MGAM: variants seen among roughly 807,000 people sequenced by gnomAD.
MGAM encodes alpha-1,4-glucosidase.
A neutral mutation model predicts 358.8 loss-of-function variants in MGAM; 253 were observed. The ratio of observed to expected loss-of-function variants is 0.71; its 90% CI spans 0.64 to 0.78. The LOEUF is 0.78. Ranked by LOEUF, MGAM falls within the 30% of genes least tolerant of loss-of-function variation. The pLI is 0.00. For synonymous variants in MGAM, 1,105 were observed against 1,227.1 expected (o/e 0.90, Z 2.08); for missense variants, 3,080 against 3,432.6 (o/e 0.90, Z 2.57).
Position 142,090,281 on chromosome 7 carries a change from C to T in MGAM, c.6811-1632C>T, listed in dbSNP as rs191830954. Among the ~76,000 whole-genome samples the T allele has an allele frequency of 2.2e-4, 32 of 145,990 alleles. 1 individual carries two copies. In the East Asian group the frequency reaches 5.7e-3, roughly 26 times the overall value. The stretch of plus-strand genomic sequence containing the variant: ...TTCCTACATCATGGCTGGCCAAGTT[C>T]ACCACGTGTACCCCATATGGGATAC... On this transcript the variant is annotated intron_variant, in intron 57 of 70. Coordinates refer to ENST00000475668, the MANE Select transcript of MGAM (RefSeq NM_001365693.1).
chr7:141,997,983 G>T (rs542777963), intron 1 of MGAM, among the ~76,000 whole-genome samples: 2 of 152,210 alleles, frequency 1.3e-5, no homozygotes, highest in South Asian at 4.1e-4. Context: ...TGTTAGCAAA[G>T]GATTTTAAAA....
At chr7:142,065,499 G>A (rs779326119) in intron 38 of MGAM, 31 bp downstream of exon 38, 19 of 1,613,664 alleles carry the variant, frequency 1.2e-5, no homozygotes, top group Middle Eastern at 1.6e-4. Context: ...GGCCTTTGCC[G>A]ACAGGGCAGG....
In MGAM at chr7:142,047,406, A is replaced by G. The variant is rs28628756; in HGVS notation, c.2499-379A>G. On this transcript the variant is annotated intron_variant, in intron 21 of 70. Coordinates refer to ENST00000475668, the MANE Select transcript of MGAM (RefSeq NM_001365693.1). ...ATGTGTCTTCCTCACAGCACTGGAC[A>G]CTTCTACTGAGGGCATCATTGCTAA... is the stretch of plus-strand genomic sequence containing the variant. Among the ~76,000 whole-genome samples the G allele has an allele frequency of 2.9e-3, 434 of 152,250 alleles. 3 individuals carry two copies. Among genetic ancestry groups the G allele is most frequent in the African/African-American group, 0.01 (418 of 41,548 alleles).
chr7:142,065,977 T>TC (rs1812715780), intron 40 of MGAM, 146 bp downstream of exon 40: 1 of 790,942 alleles, frequency 1.3e-6, no homozygotes, highest in Non-Finnish European at 1.9e-6. Context: ...TGTTTTTTTT[T>TC]TTGAAACAGG....
chr7:142,083,485 G>A, intron 53 of MGAM, 72 bp downstream of exon 53: 1 of 1,079,260 alleles, frequency 9.3e-7, no homozygotes, highest in Non-Finnish European at 1.3e-6. Flanking sequence ...ACATTCATTA[G>A]TATAACTCTC....
At chr7:142,049,192 C>T (rs1465904149) in intron 22 of MGAM, among the ~76,000 whole-genome samples, 1 of 152,092 alleles carries the variant, frequency 6.6e-6, no homozygotes, top group Non-Finnish European at 1.5e-5. Flanking sequence ...GCAGAATTTT[C>T]TTCTTTTTAT....
At chr7:141,994,891 T>A (rs1554448143), upstream of MGAM, among the ~76,000 whole-genome samples, 1 of 152,228 alleles carries the variant, frequency 6.6e-6, no homozygotes, top group African/African-American at 2.4e-5. Flanking sequence ...CGAAACCTCT[T>A]TTCTTTATAA....
intron 21 of MGAM, among the ~76,000 whole-genome samples, chr7:142,046,226 A>G (rs188851798): frequency 1.8e-3 from 274 of 150,078 alleles, no homozygotes; most frequent in African/African-American, 6.3e-3. Flanking sequence ...TACTGTTAGT[A>G]TTTCAAGAAC....
At position 142,071,040 on chromosome 7, in the gene MGAM, C is replaced by T. The variant is rs750034561; in HGVS notation, c.5108C>T (p.Pro1703Leu). The change falls in exon 44 of 71, where the codon CCT becomes CTT. Residue 1703 changes from proline to leucine, a missense_variant. By Grantham distance (98) the Pro-to-Leu change is moderately conservative. Coordinates refer to ENST00000475668, the MANE Select transcript of MGAM (RefSeq NM_001365693.1). ...ARGEWKTLPAPLDHINLHVRG... is the reference protein window; with the variant it reads ...ARGEWKTLPALLDHINLHVRG... The stretch of plus-strand genomic sequence containing the variant: ...GGAGAGTGGAAGACCTTGCCAGCCC[C>T]TCTTGACCACATTAATCTTCATGTC... The T allele has an allele frequency of 4.5e-6, 7 of 1,556,312 alleles. No individual in the cohort carries two copies. The African/African-American group carries it at 8.1e-5, about 18-fold the overall frequency.
At chr7:142,052,542 T>C in intron 25 of MGAM, 96 bp downstream of exon 25, 1 of 1,497,624 alleles carries the variant, frequency 6.7e-7, no homozygotes, top group Non-Finnish European at 9.0e-7. Flanking sequence ...CTACTTAAAA[T>C]CCATAGAAAG....
At chr7:142,055,224 G>A (rs538922612) in intron 27 of MGAM, among the ~76,000 whole-genome samples, 1 of 152,252 alleles carries the variant, frequency 6.6e-6, no homozygotes, top group South Asian at 2.1e-4. Context: ...ATCACTTTGA[G>A]TGCTATGTAG....
chr7:142,089,887 G>T (rs772704698), intron 57 of MGAM, among the ~76,000 whole-genome samples: 1 of 146,350 alleles, frequency 6.8e-6, no homozygotes, highest in African/African-American at 2.4e-5. Flanking sequence ...AGACCCACTC[G>T]ATGAAGCTGG....
chr7:142,069,946 G>C lies in MGAM; in HGVS notation c.5062-1048G>C, dbSNP rs548421929. Among the ~76,000 whole-genome samples, 16 of 145,674 alleles carry C rather than the reference G, an allele frequency of 1.1e-4. 1 individual carries two copies. The highest frequency in any genetic ancestry group is 3.9e-4 in the African/African-American group (16 of 41,120). On this transcript the variant is annotated intron_variant, in intron 43 of 70. Transcript: ENST00000475668. ...TGGTGGCTCACACCTGTAATCCCAG[G>C]ACTTTGGGAGGCCGAGATGGACAGA...
chr7:142,056,714 T>G lies in MGAM; in HGVS notation c.3581-116T>G. 1.9e-5 allele frequency: 18 copies of G among 936,928 alleles called. No individual in the cohort carries two copies. The South Asian group carries it at 3.0e-4, about 16-fold the overall frequency. The allele number at this position is 936,928 out of a possible 1,614,324, so 58.0% of individuals were successfully genotyped here. ...TTCTGTGAGTATGATAGAAAATGCC[T>G]GCTGTTACTACTCTATGATAGGGAG... is the stretch of plus-strand genomic sequence containing the variant. On this transcript the variant is annotated intron_variant, in intron 29 of 70. Transcript: ENST00000475668.
intron 14 of MGAM, 83 bp downstream of exon 14, chr7:142,032,992 C>G (rs952343027): frequency 1.3e-5 from 12 of 892,096 alleles, no homozygotes; most frequent in Non-Finnish European, 2.0e-5. Context: ...AAAAATCTGG[C>G]AAGGGAATTT....
chr7:142,046,086 A>T lies in MGAM; in HGVS notation c.2499-1699A>T, dbSNP rs1287252864. On this transcript the variant is annotated intron_variant, in intron 21 of 70. Transcript: ENST00000475668. ...TATAATATATAATATAGAAATTTATATGTGTAATTATATATTTATTTTTAT... is the reference window on the plus strand; with the variant it reads ...TATAATATATAATATAGAAATTTATTTGTGTAATTATATATTTATTTTTAT... Among the ~76,000 whole-genome samples, 10 of 133,994 alleles carry T rather than the reference A, an allele frequency of 7.5e-5. No homozygotes were observed. In the East Asian group the frequency reaches 2.1e-3, roughly 29 times the overall value. 87.9% of individuals were successfully genotyped at this position (133,994 alleles called of 152,430 possible).
At chr7:142,014,203 G>C (rs1554455295) in intron 3 of MGAM, among the ~76,000 whole-genome samples, 1 of 152,184 alleles carries the variant, frequency 6.6e-6, no homozygotes, top group African/African-American at 2.4e-5. Flanking sequence ...AAATGTGTTT[G>C]ACACAATGTG....
At chr7:142,029,908 A>C (rs1332006525) in intron 10 of MGAM, among the ~76,000 whole-genome samples, 1 of 152,212 alleles carries the variant, frequency 6.6e-6, no homozygotes, top group South Asian at 2.1e-4. Context: ...TAGCATAAAC[A>C]ACAAAGATGT....
intron 1 of MGAM, among the ~76,000 whole-genome samples, chr7:141,999,786 C>T (rs370670105): frequency 5.8e-4 from 88 of 152,190 alleles, no homozygotes; most frequent in East Asian, 3.3e-3. Context: ...TTTTTATTTG[C>T]GTCTTGCCAT....
Sources: gnomAD v4.1 joint callset for allele counts (sites outside exome capture counted in the v4.1 genomes callset) on GRCh38, gnomAD v4.1.1 for gene constraint, MANE v1.5 for transcripts, NCBI Gene and HGNC (gene_info 2026-07-23, HGNC 2026-07-21) for gene names.